Variants in MMP16 observed in about 807,000 individuals in gnomAD.
MMP16 encodes matrix metallopeptidase 16.
A neutral mutation model predicts 67.8 loss-of-function variants in MMP16; 12 were observed. The observed-to-expected ratio is 0.18, with a 90% CI of 0.11 to 0.29. MMP16 has a LOEUF of 0.29. MMP16 is among the 10% of genes least tolerant of loss of function. The pLI is 1.00. For missense variants in MMP16, 475 were observed against 765.7 expected (o/e 0.62, Z 4.48); for synonymous variants, 249 against 255.9 (o/e 0.97, Z 0.26).
intron 1 of MMP16, among the ~76,000 whole-genome samples, chr8:88,210,004 C>G (rs1377507933): frequency 1.3e-5 from 2 of 152,066 alleles, no homozygotes; most frequent in Non-Finnish European, 2.9e-5. Context: ...AAACAGACCT[C>G]AGAGAGCTCT....
At chr8:88,133,776 G>T (rs1215400008) in intron 4 of MMP16, among the ~76,000 whole-genome samples, 1 of 151,492 alleles carries the variant, frequency 6.6e-6, no homozygotes, top group Non-Finnish European at 1.5e-5. Context: ...AAAATTCACT[G>T]GTTTTCTCTA....
At chr8:88,121,721 G>C (rs376512799) in intron 4 of MMP16, among the ~76,000 whole-genome samples, 1 of 151,932 alleles carries the variant, frequency 6.6e-6, no homozygotes, top group African/African-American at 2.4e-5. Context: ...TTTTGAGTTC[G>C]TTGCTTTCAA....
At chr8:88,100,708 C>T (rs1399898229) in intron 6 of MMP16, among the ~76,000 whole-genome samples, 1 of 151,916 alleles carries the variant, frequency 6.6e-6, no homozygotes, top group Non-Finnish European at 1.5e-5. Context: ...TTCACAATAG[C>T]AAAGACTTGG....
Position 88,327,185 on chromosome 8 carries a change from T to G in MMP16, c.22A>C (p.Thr8Pro). MILLTFS[T>P]GRRLDFVHHS... is the part of the protein sequence containing the mutation. ...TGCACGAAATCCAACCGTCTTCCAG[T>G]GCTGAATGTGAGTAAGATCATAGTG... Residue 8 changes from threonine to proline, a missense_variant, in exon 1 of 10, where the codon ACT becomes CCT. This residue lies in a region of MMP16 where 170 missense variants were observed against 239.6 expected (regional missense o/e 0.71). Coordinates refer to ENST00000286614, the MANE Select transcript of MMP16 (RefSeq NM_005941.5). 1 of 1,613,804 alleles carries G rather than the reference T, an allele frequency of 6.2e-7. No homozygotes were observed.
At chr8:88,264,509 ATATT>A (rs1251285126) in intron 1 of MMP16, among the ~76,000 whole-genome samples, 1 of 152,218 alleles carries the variant, frequency 6.6e-6, no homozygotes, top group African/African-American at 2.4e-5. Flanking sequence ...CTACAAGTCC[ATATT>A]TTTGATCATT....
At chr8:88,304,191 G>C (rs1225554312) in intron 1 of MMP16, among the ~76,000 whole-genome samples, 3 of 152,154 alleles carry the variant, frequency 2.0e-5, no homozygotes, top group African/African-American at 7.2e-5. Flanking sequence ...GTGGGGAAAG[G>C]ATCTCAGAGC....
intron 1 of MMP16, among the ~76,000 whole-genome samples, chr8:88,321,883 C>A (rs571197846): frequency 1.3e-4 from 20 of 152,256 alleles, no homozygotes; most frequent in Non-Finnish European, 2.2e-4. Flanking sequence ...TTAAAGCCCA[C>A]TTCCTTCAAC....
intron 1 of MMP16, among the ~76,000 whole-genome samples, chr8:88,243,857 C>T (rs573746443): frequency 2.0e-5 from 3 of 152,046 alleles, no homozygotes; most frequent in East Asian, 1.9e-4. Flanking sequence ...GGTTGCCAGT[C>T]GAAGATATTA....
rs142932182 is a variant in MMP16 at position 88,222,133 on chromosome 8, T to C, written c.133-24827A>G. ...AATCCAGGCAGGTGTCTCACTCCCA[T>C]CTTAACAGTATTGTAGAAAAACAAG... is the stretch of plus-strand genomic sequence containing the variant. On this transcript the variant is annotated intron_variant, in intron 1 of 9. Coordinates refer to ENST00000286614, the MANE Select transcript of MMP16 (RefSeq NM_005941.5). Among the ~76,000 whole-genome samples the C allele has an allele frequency of 8.9e-4, 135 of 152,108 alleles. No homozygotes were observed. The East Asian group carries it at 0.024, about 27-fold the overall frequency.
intron 6 of MMP16, among the ~76,000 whole-genome samples, chr8:88,077,599 G>T (rs1808672422): frequency 6.6e-6 from 1 of 152,122 alleles, no homozygotes. Context: ...CTTTTGTTTA[G>T]ATACAGTCCC....
At chr8:88,075,718 G>A (rs1808636801) in intron 6 of MMP16, among the ~76,000 whole-genome samples, 1 of 152,008 alleles carries the variant, frequency 6.6e-6, no homozygotes, top group Admixed American at 6.6e-5. Flanking sequence ...ATTTCTGTAT[G>A]TATAAGCAAT....
chr8:88,129,973 G>A (rs559717378), intron 4 of MMP16, among the ~76,000 whole-genome samples: 2 of 151,726 alleles, frequency 1.3e-5, no homozygotes, highest in South Asian at 2.1e-4. Flanking sequence ...CTGACAAAGA[G>A]TTATTTATTT....
chr8:88,272,414 A>G (rs145152958), intron 1 of MMP16, among the ~76,000 whole-genome samples: 98 of 152,338 alleles, frequency 6.4e-4, no homozygotes, highest in Non-Finnish European at 1.1e-3. Flanking sequence ...AGTAAACAGC[A>G]GAACATCTTG....
At chr8:88,053,421 G>T (rs1808293991) in intron 8 of MMP16, among the ~76,000 whole-genome samples, 1 of 152,120 alleles carries the variant, frequency 6.6e-6, no homozygotes, top group Admixed American at 6.6e-5. Context: ...TGGATATACT[G>T]CTTTACCTAG....
chr8:88,257,175 G>A (rs1310061272), intron 1 of MMP16, among the ~76,000 whole-genome samples: 5 of 152,112 alleles, frequency 3.3e-5, no homozygotes, highest in African/African-American at 7.2e-5. Flanking sequence ...ATAGCAAGTC[G>A]GGTTTATATT....
rs1489126400 is a variant in MMP16 at position 88,298,708 on chromosome 8, G to A, written c.132+28367C>T. Among the ~76,000 whole-genome samples the A allele has an allele frequency of 3.3e-5, 5 of 152,152 alleles. No individual in the cohort carries two copies. In the East Asian group the frequency reaches 9.6e-4, roughly 29 times the overall value. ...TGGCACAGGAAAAAAGTGACCGCAG[G>A]AGGTGATGAATAATAAATTAAGCAT... On this transcript the variant is annotated intron_variant, in intron 1 of 9. Coordinates refer to ENST00000286614, the MANE Select transcript of MMP16 (RefSeq NM_005941.5).
intron 6 of MMP16, among the ~76,000 whole-genome samples, chr8:88,095,193 A>G (rs1809005607): frequency 6.6e-6 from 1 of 151,842 alleles, no homozygotes; most frequent in Admixed American, 6.6e-5. Context: ...TTTTTAAACC[A>G]TCTATCAATG....
At chr8:88,226,506 C>G (rs1275232049) in intron 1 of MMP16, among the ~76,000 whole-genome samples, 2 of 152,038 alleles carry the variant, frequency 1.3e-5, no homozygotes, top group African/African-American at 2.4e-5. Context: ...GACTCATTTT[C>G]AAGTTCTGTG....
At chr8:88,265,040 AATGAGCTGATCAAATATTTCCT>A (rs1810452811) in intron 1 of MMP16, among the ~76,000 whole-genome samples, 1 of 152,128 alleles carries the variant, frequency 6.6e-6, no homozygotes, top group South Asian at 2.1e-4. Context: ...GACCTGAGAA[AATGAGCTGATCAAATATTTCCT>A]ATTTGATGCT....
Sources: gnomAD v4.1 joint callset for allele counts (sites outside exome capture counted in the v4.1 genomes callset) on GRCh38, gnomAD v4.1.1 for gene constraint, gnomAD v4.1.1 regional missense constraint, MANE v1.5 for transcripts, NCBI Gene and HGNC (gene_info 2026-07-23, HGNC 2026-07-21) for gene names.